The following JAKMIP3 variants were observed in gnomAD, a reference collection of about 807,000 sequenced individuals.
JAKMIP3 encodes janus kinase and microtubule-interacting protein 3.
Under a neutral mutation model 118.5 loss-of-function variants are expected in JAKMIP3, and 58 were observed. The ratio of observed to expected loss-of-function variants is 0.49; its 90% CI spans 0.40 to 0.61. JAKMIP3 has a LOEUF of 0.61. JAKMIP3 is among the 20% of genes least tolerant of loss of function. JAKMIP3 has a pLI of 0.00. For synonymous variants in JAKMIP3, 486 were observed against 451.2 expected (o/e 1.08, Z -0.98); for missense variants, 950 against 1,109.0 (o/e 0.86, Z 2.04).
intron 1 of JAKMIP3, among the ~76,000 whole-genome samples, chr10:132,094,169 CT>C (rs899501119): frequency 4.6e-5 from 7 of 151,872 alleles, no homozygotes; most frequent in African/African-American, 1.5e-4. Flanking sequence ...ACTTGTATCA[CT>C]TTTTTTTATT....
intron 21 of JAKMIP3, 69 bp from the exon 22 acceptor site, chr10:132,166,914 C>T (rs1039818357): frequency 7.2e-6 from 8 of 1,118,422 alleles, no homozygotes; most frequent in South Asian, 6.8e-5. Flanking sequence ...TATTTCTTGC[C>T]AGAAGCACTA....
chr10:132,142,133 C>T (rs1169608738), intron 11 of JAKMIP3, 85 bp downstream of exon 11: 5 of 1,428,014 alleles, frequency 3.5e-6, no homozygotes, highest in East Asian at 2.5e-5. Context: ...ACCCCCCTCA[C>T]TAGCCCTCCT....
intron 19 of JAKMIP3, among the ~76,000 whole-genome samples, chr10:132,159,614 CTGGGGG>C (rs2057680251): frequency 1.2e-5 from 1 of 82,222 alleles, no homozygotes; most frequent in Admixed American, 1.9e-4. Context: ...CTATGTGATG[CTGGGGG>C]TCCTCTTCCT....
intron 1 of JAKMIP3, among the ~76,000 whole-genome samples, chr10:132,070,864 G>T (rs530307209): frequency 1.3e-5 from 2 of 152,166 alleles, no homozygotes; most frequent in Non-Finnish European, 2.9e-5. Flanking sequence ...AGACACAAGC[G>T]CTGGGCTTGC....
chr10:132,133,590 C>T (rs1438574790), intron 4 of JAKMIP3, 63 bp downstream of exon 4: 6 of 1,411,162 alleles, frequency 4.3e-6, no homozygotes, highest in Admixed American at 2.0e-5. Context: ...CATGTGGCTG[C>T]ATGGCCCTGC....
At position 132,044,647 on chromosome 10, in the gene JAKMIP3, C is replaced by T. The variant is rs1221401361; in HGVS notation, c.-138+7909C>T. ...GGCAGCAGGACGCCACCACATGCTG[C>T]GCTCAGGATGGAGGTTTTGTTTTAA... On this transcript the variant is annotated intron_variant, in intron 1 of 23. Coordinates refer to the JAKMIP3 transcript ENST00000657785. The surrounding 1 kb of genome is among the most constrained non-coding windows in gnomAD (Gnocchi z 5.3). Among the ~76,000 whole-genome samples the T allele has an allele frequency of 3.9e-5, 6 of 152,188 alleles. No individual in the cohort carries two copies. Among genetic ancestry groups the T allele is most frequent in the Admixed American group, 1.3e-4 (2 of 15,256 alleles).
chr10:132,087,781 A>G (rs963742149), intron 1 of JAKMIP3, among the ~76,000 whole-genome samples: 12 of 151,660 alleles, frequency 7.9e-5, no homozygotes, highest in Non-Finnish European at 1.3e-4. Flanking sequence ...ATATGTATAC[A>G]TGCACCATGT....
At chr10:132,130,897 C>T (rs1241583710) in intron 3 of JAKMIP3, among the ~76,000 whole-genome samples, 1 of 151,906 alleles carries the variant, frequency 6.6e-6, no homozygotes, top group Non-Finnish European at 1.5e-5. Context: ...TCTTGGGGGG[C>T]TCAGGGTTCT....
intron 1 of JAKMIP3, among the ~76,000 whole-genome samples, chr10:132,051,143 C>G (rs1482131317): frequency 6.7e-6 from 1 of 148,498 alleles, no homozygotes; most frequent in East Asian, 2.0e-4. Context: ...CCTGTCTTTC[C>G]TGGCACGGTT....
At chr10:132,157,688 G>GT (rs1293457676) in intron 19 of JAKMIP3, among the ~76,000 whole-genome samples, 1 of 152,194 alleles carries the variant, frequency 6.6e-6, no homozygotes, top group African/African-American at 2.4e-5. Context: ...CGCCACGTCT[G>GT]TTTGTAACCT....
intron 2 of JAKMIP3, among the ~76,000 whole-genome samples, chr10:132,106,250 A>G (rs1425526899): frequency 6.6e-6 from 1 of 151,970 alleles, no homozygotes. Context: ...AGGCAAGACA[A>G]TTACTTGAGT....
chr10:132,166,656 C>T (rs1239065139), intron 21 of JAKMIP3, among the ~76,000 whole-genome samples: 1 of 152,236 alleles, frequency 6.6e-6, no homozygotes, highest in African/African-American at 2.4e-5. Context: ...ATGGGTTTCA[C>T]TTCAGGGAGG....
chr10:132,140,367 C>T (rs964155092), intron 9 of JAKMIP3, 84 bp from the exon 10 acceptor site: 81 of 1,579,762 alleles, frequency 5.1e-5, no homozygotes, highest in Non-Finnish European at 6.2e-5. Context: ...CGGCCCCCAC[C>T]GTTGGGCAGC....
At chr10:132,083,800 CT>C (rs2042062693) in intron 1 of JAKMIP3, among the ~76,000 whole-genome samples, 1 of 152,064 alleles carries the variant, frequency 6.6e-6, no homozygotes, top group African/African-American at 2.4e-5. Context: ...CCTTTCTCCA[CT>C]TTGTTTTTGT....
intron 1 of JAKMIP3, among the ~76,000 whole-genome samples, chr10:132,090,709 T>G (rs2042987783): frequency 6.6e-6 from 1 of 152,244 alleles, no homozygotes. Context: ...TCTCCTTCAA[T>G]TCTGCTCTGA....
intron 3 of JAKMIP3, among the ~76,000 whole-genome samples, chr10:132,123,319 C>A (rs931788173): frequency 6.6e-6 from 1 of 152,128 alleles, no homozygotes; most frequent in African/African-American, 2.4e-5. Context: ...GCACGCTCAG[C>A]GCGTTTGCTA....
At chr10:132,083,337 G>A (rs963237251) in intron 1 of JAKMIP3, among the ~76,000 whole-genome samples, 8 of 151,940 alleles carry the variant, frequency 5.3e-5, no homozygotes, top group African/African-American at 1.7e-4. Flanking sequence ...ATCTTCTTTC[G>A]AGAATTGTCT....
chr10:132,175,815 G>A (rs1254598410), intron 23 of JAKMIP3, among the ~76,000 whole-genome samples: 1 of 152,226 alleles, frequency 6.6e-6, no homozygotes, highest in Non-Finnish European at 1.5e-5. Context: ...GCATGATGGA[G>A]CAGGAAGCTT....
At chr10:132,095,448 C>G (rs2043721933) in intron 1 of JAKMIP3, among the ~76,000 whole-genome samples, 1 of 152,186 alleles carries the variant, frequency 6.6e-6, no homozygotes, top group African/African-American at 2.4e-5. Flanking sequence ...TCCAGGTGAG[C>G]TCAGAATCTT....
Sources: allele counts gnomAD v4.1 joint callset (sites outside exome capture counted in the v4.1 genomes callset), GRCh38; gene constraint gnomAD v4.1.1; non-coding constraint Gnocchi (gnomAD v3.1); transcripts MANE v1.5; gene names NCBI Gene and HGNC (gene_info 2026-07-23, HGNC 2026-07-21).